Variants in CCDC178 observed in about 807,000 individuals in gnomAD.
CCDC178 encodes coiled-coil domain-containing protein 178.
Under a neutral mutation model 117.4 loss-of-function variants are expected in CCDC178, and 126 were observed. The ratio of observed to expected loss-of-function variants is 1.07; its 90% CI spans 0.93 to 1.24. CCDC178 has a LOEUF of 1.24. Ranked by LOEUF, CCDC178 falls within the 50% of genes most tolerant of loss-of-function variation. The probability of loss-of-function intolerance (pLI) is 0.00; values close to 1 mark genes in which losing one functional copy is unlikely to be tolerated. For synonymous variants in CCDC178, 283 were observed against 313.4 expected, an observed-to-expected ratio of 0.90 and a Z score of 1.02; for missense variants, 1,030 against 986.9, an observed-to-expected ratio of 1.04 and a Z score of -0.59.
chr18:33,369,954 T>C, intron 6 of CCDC178, 96 bp downstream of exon 6: 4 of 1,031,662 alleles, frequency 3.9e-6, no homozygotes, highest in Non-Finnish European at 4.1e-6. Flanking sequence ...AATTATCATT[T>C]AAAAAGTCCA....
intron 3 of CCDC178, among the ~76,000 whole-genome samples, chr18:33,406,915 T>C (rs370097927): frequency 1.1e-3 from 161 of 152,226 alleles, no homozygotes; most frequent in African/African-American, 3.0e-3. Context: ...CAGCAGGATG[T>C]TTTTGGCTGT....
At chr18:33,409,721 G>C (rs188488884) in intron 3 of CCDC178, among the ~76,000 whole-genome samples, 1 of 152,224 alleles carries the variant, frequency 6.6e-6, no homozygotes, top group African/African-American at 2.4e-5. Flanking sequence ...TGTTTATAAT[G>C]GCTGGTTGTC....
intron 21 of CCDC178, among the ~76,000 whole-genome samples, chr18:32,991,960 A>G (rs1034476795): frequency 5.3e-5 from 8 of 152,250 alleles, no homozygotes; most frequent in African/African-American, 1.9e-4. Flanking sequence ...TGTTTGTGGT[A>G]TAAAGTACAG....
intron 22 of CCDC178, among the ~76,000 whole-genome samples, chr18:32,941,800 T>A (rs1014653054): frequency 6.6e-6 from 1 of 152,180 alleles, no homozygotes; most frequent in Non-Finnish European, 1.5e-5. Context: ...AAGCACATAC[T>A]ACATTATGTC....
rs1276473887 is a variant in CCDC178, at chr18:33,067,834, A to AAAAT, written c.2388+24923_2388+24926dup. On this transcript the variant is annotated intron_variant, in intron 21 of 22. Transcript: ENST00000383096. ...GCAACAAGAGAGGAACTCTGTCTCA[A>AAAAT]AAATAAATAAATAAATAAAAAGAAA... 1.1e-3 allele frequency among the ~76,000 whole-genome samples: 161 copies of AAAAT among 152,248 alleles called. 2 individuals are homozygous for AAAAT. The highest frequency in any genetic ancestry group is 3.6e-3 in the African/African-American group (150 of 41,554).
chr18:33,261,293 C>T (rs1456957183), intron 14 of CCDC178, among the ~76,000 whole-genome samples: 2 of 152,152 alleles, frequency 1.3e-5, no homozygotes, highest in Non-Finnish European at 2.9e-5. Flanking sequence ...CCGTGTTAGC[C>T]AGGATGGTCT....
chr18:33,137,395 G>A (rs2058142234), intron 20 of CCDC178, among the ~76,000 whole-genome samples: 1 of 152,040 alleles, frequency 6.6e-6, no homozygotes, highest in Non-Finnish European at 1.5e-5. Flanking sequence ...CCTTAAATAG[G>A]TTAATATTAA....
intron 14 of CCDC178, 28 bp from the exon 15 acceptor site, chr18:33,245,456 T>G (rs1224146855): frequency 6.9e-7 from 1 of 1,453,178 alleles, no homozygotes; most frequent in African/African-American, 1.4e-5. Flanking sequence ...AAATTAATAT[T>G]ATTGAGTATA....
intron 21 of CCDC178, among the ~76,000 whole-genome samples, chr18:33,054,461 C>T (rs1235118744): frequency 1.3e-5 from 2 of 152,156 alleles, no homozygotes; most frequent in South Asian, 2.1e-4. Flanking sequence ...GTGTTGTTCC[C>T]CTACATGTGT....
intron 12 of CCDC178, among the ~76,000 whole-genome samples, chr18:33,274,984 C>T (rs749848601): frequency 6.6e-5 from 10 of 151,922 alleles, no homozygotes; most frequent in Non-Finnish European, 1.3e-4. Context: ...TTATTCCTTT[C>T]CTAATATAAA....
At chr18:33,049,117 T>A (rs1403389002) in intron 21 of CCDC178, among the ~76,000 whole-genome samples, 3 of 152,140 alleles carry the variant, frequency 2.0e-5, no homozygotes, top group Admixed American at 1.3e-4. Flanking sequence ...GGTAGCAGAA[T>A]AACTACATGT....
chr18:33,323,253 G>C, intron 11 of CCDC178: 1 of 242,100 alleles, frequency 4.1e-6, no homozygotes, highest in Non-Finnish European at 7.7e-6. Flanking sequence ...CAATATATAT[G>C]AAGAGCTTTA....
rs1042028232 is a variant in CCDC178, at chr18:33,211,913, T to C, written c.2221A>G (p.Thr741Ala). The C allele has an allele frequency of 6.2e-6, 10 of 1,604,274 alleles. No homozygotes were observed. Among genetic ancestry groups the C allele is most frequent in the Non-Finnish European group, 8.5e-6 (10 of 1,176,716 alleles). ...FRVLLAVRQK[T>A]LQDTQKIIAD... ...ATACTCACTTGGGTATCTTGAAGAG[T>C]TTTTTGTCTTACAGCAAGGAGCACT... The change falls in exon 20 of 23, where the codon ACT (threonine) becomes GCT (alanine). Residue 741 changes from threonine to alanine, a missense_variant. Coordinates refer to ENST00000383096, the MANE Select transcript of CCDC178 (RefSeq NM_001105528.4).
At chr18:32,961,669 G>T (rs1019301961) in intron 22 of CCDC178, among the ~76,000 whole-genome samples, 1 of 152,198 alleles carries the variant, frequency 6.6e-6, no homozygotes, top group Non-Finnish European at 1.5e-5. Flanking sequence ...CTCATAAGGA[G>T]CAGGCAGCCT....
chr18:33,233,183 A>G (rs1332765310), intron 15 of CCDC178, among the ~76,000 whole-genome samples: 1 of 152,122 alleles, frequency 6.6e-6, no homozygotes, highest in Non-Finnish European at 1.5e-5. Flanking sequence ...GTTCTTGGTT[A>G]CTTTCTTAAA....
chr18:33,098,876 T>C (rs1267123010), intron 20 of CCDC178, among the ~76,000 whole-genome samples: 2 of 151,838 alleles, frequency 1.3e-5, no homozygotes, highest in Non-Finnish European at 2.9e-5. Context: ...CAAGCTGTAG[T>C]TGGAGGAGGC....
rs758581618 is a variant in CCDC178 at position 32,974,697 on chromosome 18, A to G, written c.2389-16T>C. 6.2e-6 allele frequency: 10 copies of G among 1,610,592 alleles called. No individual in the cohort carries two copies. In the South Asian group the frequency reaches 9.9e-5, roughly 16 times the overall value. ...GCTGACAGAGCTAAAGGGAAGAGGGAGGGGAGAAAACACAAGTCAGAGGAG... is the reference window on the plus strand; with the variant it reads ...GCTGACAGAGCTAAAGGGAAGAGGGGGGGGAGAAAACACAAGTCAGAGGAG... On this transcript the variant is annotated splice_polypyrimidine_tract_variant and intron_variant, in intron 21 of 22. Transcript: ENST00000383096.
chr18:32,952,973 C>A (rs949714727), intron 22 of CCDC178, among the ~76,000 whole-genome samples: 1 of 151,782 alleles, frequency 6.6e-6, no homozygotes, highest in Non-Finnish European at 1.5e-5. Flanking sequence ...GGGGTTTCAC[C>A]ATGTTAGCCA....
intron 11 of CCDC178, among the ~76,000 whole-genome samples, chr18:33,302,907 A>G (rs539060149): frequency 6.6e-6 from 1 of 152,276 alleles, no homozygotes; most frequent in South Asian, 2.1e-4. Flanking sequence ...AAGGATACAC[A>G]ATTACAGCTA....
Sources: gnomAD v4.1 joint callset for allele counts (sites outside exome capture counted in the v4.1 genomes callset) on GRCh38, gnomAD v4.1.1 for gene constraint, MANE v1.5 for transcripts, NCBI Gene and HGNC (gene_info 2026-07-23, HGNC 2026-07-21) for gene names.